Variants in R3HDM1 observed in about 807,000 individuals in gnomAD.
The protein encoded by R3HDM1 is R3H domain containing 1.
In R3HDM1, 46 loss-of-function variants were observed where a neutral mutation model predicts 141.1. That is an observed-to-expected ratio of 0.33 (90% CI 0.26 to 0.42). The LOEUF is 0.42. Among genes scored for constraint, R3HDM1 ranks in the 10% least tolerant of loss-of-function variants. The pLI, the probability that R3HDM1 is intolerant of heterozygous loss-of-function variation, is 1.00. For synonymous variants in R3HDM1, 435 were observed against 472.9 expected (o/e 0.92, Z 1.04); for missense variants, 1,184 against 1,368.3 (o/e 0.87, Z 2.12).
chr2:135,664,507 C>A (rs753881475), intron 19 of R3HDM1, among the ~76,000 whole-genome samples: 1 of 152,038 alleles, frequency 6.6e-6, no homozygotes, highest in African/African-American at 2.4e-5. Flanking sequence ...AATTAACAAG[C>A]CCAACTGAGC....
intron 21 of R3HDM1, among the ~76,000 whole-genome samples, chr2:135,698,182 C>T (rs1479590752): frequency 7.1e-5 from 10 of 140,472 alleles, no homozygotes; most frequent in Admixed American, 4.4e-4. Context: ...TTTTTTGAGA[C>T]GGAGTCTCAC....
At chr2:135,531,720 A>T in intron 1 of R3HDM1, 87 bp downstream of exon 1, 2 of 985,850 alleles carry the variant, frequency 2.0e-6, no homozygotes, top group Non-Finnish European at 2.4e-6. Context: ...GGTAGCGCTA[A>T]CGGAGAAGGA....
At chr2:135,551,669 G>A (rs61012356) in intron 1 of R3HDM1, among the ~76,000 whole-genome samples, 3 of 152,048 alleles carry the variant, frequency 2.0e-5, no homozygotes, top group East Asian at 1.9e-4. Context: ...TAGTTTTGTC[G>A]TTTTACATTG....
intron 21 of R3HDM1, among the ~76,000 whole-genome samples, chr2:135,686,350 G>A (rs2071341162): frequency 1.3e-5 from 2 of 152,202 alleles, no homozygotes; most frequent in Admixed American, 6.5e-5. Context: ...ATTGAAATCA[G>A]TATCTCGAAG....
At chr2:135,625,152 A>G (rs2061879633) in intron 7 of R3HDM1, among the ~76,000 whole-genome samples, 1 of 152,192 alleles carries the variant, frequency 6.6e-6, no homozygotes, top group African/African-American at 2.4e-5. Flanking sequence ...TTACACTGAA[A>G]ATAAAATAAC....
chr2:135,572,449 A>G (rs559239145), intron 1 of R3HDM1, among the ~76,000 whole-genome samples: 1 of 152,358 alleles, frequency 6.6e-6, no homozygotes, highest in African/African-American at 2.4e-5. Flanking sequence ...CATCAAGGAA[A>G]TGTAAATCAA....
At chr2:135,586,713 AC>A in intron 1 of R3HDM1, 1 of 985,362 alleles carries the variant, frequency 1.0e-6, no homozygotes, top group Non-Finnish European at 1.2e-6. Flanking sequence ...AGAGTCATTT[AC>A]TTCTCAGCTG....
intron 1 of R3HDM1, among the ~76,000 whole-genome samples, chr2:135,548,864 G>A (rs1368692185): frequency 2.0e-5 from 3 of 151,930 alleles, no homozygotes; most frequent in Non-Finnish European, 4.4e-5. Flanking sequence ...TTAAATCTTC[G>A]AATAAGAAAT....
intron 21 of R3HDM1, among the ~76,000 whole-genome samples, chr2:135,704,477 CTTTT>C (rs35704564): frequency 6.1e-5 from 8 of 131,350 alleles, no homozygotes; most frequent in Non-Finnish European, 1.0e-4. Flanking sequence ...TGCATGCATG[CTTTT>C]TTTTTTTTTT....
At chr2:135,672,769 A>G (rs1049891405) in intron 19 of R3HDM1, among the ~76,000 whole-genome samples, 2 of 151,854 alleles carry the variant, frequency 1.3e-5, no homozygotes, top group Non-Finnish European at 2.9e-5. Context: ...GTGTGTGGCA[A>G]TTAGTGGGCA....
chr2:135,540,245 C>T lies in R3HDM1; in HGVS notation c.-250+8612C>T, dbSNP rs76197298. Among the ~76,000 whole-genome samples, 452 of 152,330 alleles carry T rather than the reference C, an allele frequency of 3.0e-3. 2 individuals carry two copies. Among genetic ancestry groups the T allele is most frequent in the African/African-American group, 0.01 (428 of 41,578 alleles). ...CCCATTTCTGAATCTAGTTCTCTTA[C>T]TGTTTCCACCACATCTGTAGTTACT... On this transcript the variant is annotated intron_variant, in intron 1 of 26. Transcript: ENST00000683871.
At chr2:135,565,542 T>C (rs1702591733) in intron 1 of R3HDM1, among the ~76,000 whole-genome samples, 1 of 151,876 alleles carries the variant, frequency 6.6e-6, no homozygotes, top group African/African-American at 2.4e-5. Flanking sequence ...ATCGCTTTTC[T>C]TTAATCAAAA....
intron 1 of R3HDM1, among the ~76,000 whole-genome samples, chr2:135,539,140 A>G (rs1379868771): frequency 1.3e-5 from 2 of 152,172 alleles, no homozygotes; most frequent in Non-Finnish European, 2.9e-5. Context: ...TACCTCTTCA[A>G]GGACCTCCCT....
chr2:135,581,359 AT>A, intron 1 of R3HDM1: 1 of 985,166 alleles, frequency 1.0e-6, no homozygotes, highest in Non-Finnish European at 1.2e-6. Flanking sequence ...CCTGTGGAAC[AT>A]TTCACTTTAC....
chr2:135,640,779 C>G (rs1252599645), intron 14 of R3HDM1, among the ~76,000 whole-genome samples: 2 of 152,094 alleles, frequency 1.3e-5, no homozygotes, highest in Non-Finnish European at 2.9e-5. Flanking sequence ...TCTCGGCCAC[C>G]TTTTTTAGCC....
intron 21 of R3HDM1, among the ~76,000 whole-genome samples, chr2:135,707,055 G>A (rs906051259): frequency 6.6e-6 from 1 of 152,180 alleles, no homozygotes; most frequent in African/African-American, 2.4e-5. Context: ...TGGGCGGGGG[G>A]CTGGCCCATT....
chr2:135,575,643 A>G (rs1447410931), intron 1 of R3HDM1, among the ~76,000 whole-genome samples: 1 of 152,264 alleles, frequency 6.6e-6, no homozygotes, highest in Non-Finnish European at 1.5e-5. Context: ...GACAGTAGCC[A>G]GTTAGCAGTC....
chr2:135,671,032 T>A (rs2068255396), intron 19 of R3HDM1, among the ~76,000 whole-genome samples: 1 of 151,894 alleles, frequency 6.6e-6, no homozygotes, highest in South Asian at 2.1e-4. Context: ...CATTCTGTCC[T>A]GGGCGATAGG....
chr2:135,646,622 C>T (rs1393212851), intron 16 of R3HDM1, among the ~76,000 whole-genome samples: 1 of 151,226 alleles, frequency 6.6e-6, no homozygotes, highest in African/African-American at 2.4e-5. Context: ...CCGAGGCAGG[C>T]AGATCACCTG....
Sources: allele counts gnomAD v4.1 joint callset (sites outside exome capture counted in the v4.1 genomes callset), GRCh38; gene constraint gnomAD v4.1.1; transcripts MANE v1.5; gene names NCBI Gene and HGNC (gene_info 2026-07-23, HGNC 2026-07-21).